The following KCNQ5 variants were observed in gnomAD, a reference collection of about 807,000 sequenced individuals.
The protein encoded by KCNQ5 is potassium voltage-gated channel subfamily Q member 5.
A neutral mutation model predicts 98.2 loss-of-function variants in KCNQ5; 30 were observed. That is an observed-to-expected ratio of 0.31 (90% confidence interval 0.23 to 0.41). The LOEUF (loss-of-function observed/expected upper bound fraction) is 0.41. Ranked by LOEUF, KCNQ5 falls within the 10% of genes least tolerant of loss-of-function variation. The pLI is 1.00. For missense variants in KCNQ5, 835 were observed against 1,182.5 expected (o/e 0.71, Z 4.31); for synonymous variants, 458 against 449.4 (o/e 1.02, Z -0.24).
At chr6:72,757,531 A>T (rs1335318267) in intron 1 of KCNQ5, among the ~76,000 whole-genome samples, 1 of 152,212 alleles carries the variant, frequency 6.6e-6, no homozygotes, top group Non-Finnish European at 1.5e-5. Context: ...GGGCAAAATT[A>T]TCTAACACAA....
intron 1 of KCNQ5, among the ~76,000 whole-genome samples, chr6:72,632,234 T>C (rs1355863816): frequency 6.7e-6 from 1 of 149,682 alleles, no homozygotes; most frequent in Admixed American, 6.7e-5. Context: ...GCCTCCTGGG[T>C]TCACACCATT....
At chr6:72,959,243 T>C (rs569363385) in intron 1 of KCNQ5, among the ~76,000 whole-genome samples, 1 of 152,364 alleles carries the variant, frequency 6.6e-6, no homozygotes, top group African/African-American at 2.4e-5. Flanking sequence ...TTCTAAATGC[T>C]GTGCCTGGGA....
intron 1 of KCNQ5, among the ~76,000 whole-genome samples, chr6:72,632,451 T>C (rs946849122): frequency 1.3e-5 from 2 of 152,144 alleles, no homozygotes; most frequent in Non-Finnish European, 2.9e-5. Flanking sequence ...AGTTTTTTTT[T>C]CTTTTTTTAA....
At chr6:72,658,881 A>T (rs1479661680) in intron 1 of KCNQ5, among the ~76,000 whole-genome samples, 4 of 152,228 alleles carry the variant, frequency 2.6e-5, no homozygotes, top group Non-Finnish European at 5.9e-5. Flanking sequence ...CGCCCAGCCT[A>T]CCCAAATATA....
chr6:72,874,900 T>C (rs1254597034), intron 1 of KCNQ5, among the ~76,000 whole-genome samples: 3 of 152,228 alleles, frequency 2.0e-5, no homozygotes, highest in Non-Finnish European at 4.4e-5. Flanking sequence ...AGGGTTTATA[T>C]TGTAGCCAAT....
At chr6:72,764,710 TTCTC>T (rs1321797425) in intron 1 of KCNQ5, among the ~76,000 whole-genome samples, 4 of 151,940 alleles carry the variant, frequency 2.6e-5, no homozygotes, top group African/African-American at 7.2e-5. Context: ...GTCTTATTCA[TTCTC>T]TCTATTTTTT....
intron 10 of KCNQ5, among the ~76,000 whole-genome samples, chr6:73,151,450 G>A (rs557692764): frequency 1.3e-5 from 2 of 152,184 alleles, no homozygotes; most frequent in South Asian, 4.2e-4. Context: ...TTCAATGTAA[G>A]TCACTATAGT....
intron 5 of KCNQ5, among the ~76,000 whole-genome samples, chr6:73,096,898 C>T (rs1202037651): frequency 2.0e-5 from 3 of 152,006 alleles, no homozygotes; most frequent in Non-Finnish European, 4.4e-5. Context: ...CAAAAATTAG[C>T]TGGGTGTGGT....
At chr6:72,944,291 T>C (rs926958321) in intron 1 of KCNQ5, among the ~76,000 whole-genome samples, 2 of 152,210 alleles carry the variant, frequency 1.3e-5, no homozygotes, top group East Asian at 3.8e-4. Flanking sequence ...TTGGTAAGAT[T>C]ATCTTGGGGT....
At chr6:73,021,148 C>T (rs1427976073) in intron 2 of KCNQ5, among the ~76,000 whole-genome samples, 1 of 152,142 alleles carries the variant, frequency 6.6e-6, no homozygotes, top group East Asian at 1.9e-4. Context: ...CATTCCCTAC[C>T]CTTGTGTTCT....
At chr6:73,062,806 T>G (rs1772841865) in intron 3 of KCNQ5, among the ~76,000 whole-genome samples, 2 of 152,182 alleles carry the variant, frequency 1.3e-5, no homozygotes. Context: ...ACTCCCATAT[T>G]GCCTTTTTCT....
intron 2 of KCNQ5, among the ~76,000 whole-genome samples, chr6:73,034,045 T>G (rs1170005441): frequency 1.3e-5 from 2 of 152,242 alleles, no homozygotes; most frequent in African/African-American, 4.8e-5. Context: ...AGATATTTAC[T>G]TTTGTGTATT....
intron 1 of KCNQ5, among the ~76,000 whole-genome samples, chr6:72,814,300 C>A (rs759797296): frequency 4.6e-5 from 7 of 152,198 alleles, no homozygotes; most frequent in Non-Finnish European, 1.0e-4. Context: ...ATCCAACCTG[C>A]AGCCAGGCTG....
rs117330474 is a variant in KCNQ5, at chr6:73,059,282, G to A, written c.616+17220G>A. On this transcript the variant is annotated intron_variant, in intron 3 of 13. Coordinates refer to ENST00000370398, the MANE Select transcript of KCNQ5 (RefSeq NM_019842.4). ...TTGCAACAACATGGATGAGGCTGGAGGCCATTCACCTAAGCGAACTGACAC... is the reference window on the plus strand; with the variant it reads ...TTGCAACAACATGGATGAGGCTGGAAGCCATTCACCTAAGCGAACTGACAC... Among the ~76,000 whole-genome samples, 35 of 152,252 alleles carry A rather than the reference G, an allele frequency of 2.3e-4. 2 individuals carry two copies. In the East Asian group the frequency reaches 6.6e-3, roughly 29 times the overall value.
chr6:72,764,178 A>AC (rs1772437625), intron 1 of KCNQ5, among the ~76,000 whole-genome samples: 1 of 152,026 alleles, frequency 6.6e-6, no homozygotes, highest in Admixed American at 6.6e-5. Flanking sequence ...ATGAAAAAAA[A>AC]CACTCTGTTA....
chr6:72,779,484 A>AT (rs200174354), intron 1 of KCNQ5, among the ~76,000 whole-genome samples: 21 of 151,352 alleles, frequency 1.4e-4, no homozygotes, highest in Admixed American at 2.0e-4. Context: ...TTACTTATTC[A>AT]TTTTTTTTTC....
At chr6:72,705,623 C>G (rs1769038531) in intron 1 of KCNQ5, among the ~76,000 whole-genome samples, 1 of 150,268 alleles carries the variant, frequency 6.7e-6, no homozygotes, top group African/African-American at 2.5e-5. Context: ...TTTGCTAAAG[C>G]ACAGCTAATA....
At chr6:72,710,693 C>A (rs562054102) in intron 1 of KCNQ5, among the ~76,000 whole-genome samples, 1 of 152,200 alleles carries the variant, frequency 6.6e-6, no homozygotes, top group South Asian at 2.1e-4. Context: ...ATATGTAAAG[C>A]AGACATGAAG....
At chr6:72,906,258 C>T (rs1779697046) in intron 1 of KCNQ5, among the ~76,000 whole-genome samples, 1 of 152,176 alleles carries the variant, frequency 6.6e-6, no homozygotes, top group East Asian at 1.9e-4. Flanking sequence ...CCCCTGCTAG[C>T]AGCACTGAGT....
Sources: gnomAD v4.1 joint callset for allele counts (sites outside exome capture counted in the v4.1 genomes callset) on GRCh38, gnomAD v4.1.1 for gene constraint, MANE v1.5 for transcripts, NCBI Gene and HGNC (gene_info 2026-07-23, HGNC 2026-07-21) for gene names.